The following ABCB4 variants were observed in gnomAD, a reference collection of about 807,000 sequenced individuals.
ABCB4 encodes the protein phosphatidylcholine translocator ABCB4.
ABCB4 carries 76 observed loss-of-function variants against 145.7 expected under a neutral mutation model. That is an observed-to-expected ratio of 0.52 (90% CI 0.43 to 0.63). The LOEUF is 0.63. ABCB4 is among the 30% of genes least tolerant of loss of function. The pLI, the probability that ABCB4 is intolerant of heterozygous loss-of-function variation, is 0.00. For synonymous variants in ABCB4, 517 were observed against 566.8 expected (o/e 0.91, Z 1.25); for missense variants, 1,234 against 1,553.1 (o/e 0.79, Z 3.45).
downstream of ABCB4, among the ~76,000 whole-genome samples, chr7:87,397,441 T>C (rs1228023946): frequency 3.3e-5 from 5 of 152,368 alleles, no homozygotes; most frequent in East Asian, 9.6e-4. Flanking sequence ...TTCATTGTTT[T>C]TGGCATTGTG....
At chr7:87,435,403 C>T (rs552864855) in intron 14 of ABCB4, among the ~76,000 whole-genome samples, 7 of 152,288 alleles carry the variant, frequency 4.6e-5, no homozygotes, top group African/African-American at 1.7e-4. Flanking sequence ...CTGGGCAGGC[C>T]CTGTAACTTG....
chr7:87,374,285 A>T, the ABCB4 span, among the ~76,000 whole-genome samples: 6 of 152,060 alleles, frequency 3.9e-5, no homozygotes, highest in Non-Finnish European at 7.4e-5. Flanking sequence ...TTGGGCAGTT[A>T]TGTGACCTTT....
intron 23 of ABCB4, among the ~76,000 whole-genome samples, chr7:87,410,490 C>T (rs1808541750): frequency 6.6e-6 from 1 of 152,106 alleles, no homozygotes; most frequent in Non-Finnish European, 1.5e-5. Context: ...CTAAAGCTGT[C>T]TTCTAGGTTT....
chr7:87,389,462 T>C, the ABCB4 span, among the ~76,000 whole-genome samples: 3 of 152,200 alleles, frequency 2.0e-5, no homozygotes, highest in East Asian at 5.8e-4. Context: ...GATGAGTTCA[T>C]GTCCTTTGCA....
At chr7:87,473,917 G>A (rs955023116) in intron 2 of ABCB4, among the ~76,000 whole-genome samples, 5 of 152,182 alleles carry the variant, frequency 3.3e-5, no homozygotes, top group Admixed American at 6.5e-5. Context: ...ATGGGCAATA[G>A]CAACATAATT....
At chr7:87,402,932 G>A (rs1807905691) in intron 27 of ABCB4, among the ~76,000 whole-genome samples, 1 of 152,190 alleles carries the variant, frequency 6.6e-6, no homozygotes, top group Admixed American at 6.5e-5. Context: ...CCTGGAGGCA[G>A]AGGTTGCAGT....
At chr7:87,382,233 C>A in the ABCB4 span, 2 of 1,497,864 alleles carry the variant, frequency 1.3e-6, no homozygotes, top group South Asian at 1.2e-5. Context: ...TTTTAACAAC[C>A]ATATGTAAAA....
At position 87,439,572 on chromosome 7, in the gene ABCB4, T is replaced by C. The variant is rs183256979; in HGVS notation, c.1731+95A>G. The stretch of plus-strand genomic sequence containing the variant: ...CTCCATGAGGTAGCTCCATTTGCTA[T>C]GTTTCTGTTTCTCAGCCCAGACTCC... On this transcript the variant is annotated intron_variant, in intron 14 of 27. Coordinates refer to ENST00000649586, the MANE Select transcript of ABCB4 (RefSeq NM_000443.4). 1.0e-4 allele frequency: 140 copies of C among 1,393,816 alleles called. No homozygotes were observed. The East Asian group carries it at 3.1e-3, about 31-fold the overall frequency. The allele number at this position is 1,393,816 out of a possible 1,614,324, so 86.3% of individuals were successfully genotyped here. A position where few individuals can be genotyped will look rare whatever the true frequency, so the allele number is the denominator to read the frequency against.
chr7:87,437,196 T>C (rs1272292800), intron 14 of ABCB4, among the ~76,000 whole-genome samples: 1 of 152,210 alleles, frequency 6.6e-6, no homozygotes, highest in African/African-American at 2.4e-5. Context: ...AGATGAGTTC[T>C]GGAGTCTAAT....
At chr7:87,459,846 T>C (rs561680611) in intron 4 of ABCB4, among the ~76,000 whole-genome samples, 2 of 152,282 alleles carry the variant, frequency 1.3e-5, no homozygotes, top group Admixed American at 1.3e-4. Context: ...CATGAACAGA[T>C]AAAGTTGGGT....
At chr7:87,453,525 TG>T (rs1811901437) in intron 5 of ABCB4, among the ~76,000 whole-genome samples, 1 of 151,080 alleles carries the variant, frequency 6.6e-6, no homozygotes, top group Non-Finnish European at 1.5e-5. Flanking sequence ...TTTTCAGAAC[TG>T]GAAATTAATC....
At chr7:87,449,630 G>T (rs900674957) in intron 8 of ABCB4, among the ~76,000 whole-genome samples, 2 of 151,834 alleles carry the variant, frequency 1.3e-5, no homozygotes, top group African/African-American at 4.8e-5. Flanking sequence ...TAGAGCCAGG[G>T]TCTTACTACA....
intron 3 of ABCB4, among the ~76,000 whole-genome samples, chr7:87,463,736 A>G (rs1422266543): frequency 6.6e-6 from 1 of 152,212 alleles, no homozygotes; most frequent in Non-Finnish European, 1.5e-5. Flanking sequence ...CTGGTGGGCC[A>G]CACCAAGAAT....
chr7:87,398,629 C>T, downstream of ABCB4: 1 of 1,613,204 alleles, frequency 6.2e-7, no homozygotes, highest in Non-Finnish European at 8.5e-7. Context: ...AGCTGATGAA[C>T]TCTACTCATC....
chr7:87,462,002 C>T (rs1812489030), intron 4 of ABCB4, among the ~76,000 whole-genome samples: 1 of 152,186 alleles, frequency 6.6e-6, no homozygotes, highest in African/African-American at 2.4e-5. Flanking sequence ...CAGTCTTCTC[C>T]AGCCCAGTGC....
chr7:87,457,192 G>A (rs1295421340), intron 4 of ABCB4, among the ~76,000 whole-genome samples: 6 of 152,144 alleles, frequency 3.9e-5, no homozygotes, highest in African/African-American at 1.2e-4. Context: ...GCTGAGGCGG[G>A]AGGATCACTT....
At chr7:87,431,796 C>A (rs181784592) in intron 14 of ABCB4, among the ~76,000 whole-genome samples, 38 of 152,316 alleles carry the variant, frequency 2.5e-4, no homozygotes, top group African/African-American at 8.2e-4. Flanking sequence ...TGGGTGATTT[C>A]TCCAGAAACC....
the ABCB4 span, among the ~76,000 whole-genome samples, chr7:87,372,452 T>C: frequency 6.6e-6 from 1 of 152,354 alleles, no homozygotes; most frequent in East Asian, 1.9e-4. Flanking sequence ...GCTTATTAAT[T>C]GGATTATTCA....
the ABCB4 span, among the ~76,000 whole-genome samples, chr7:87,381,605 T>C: frequency 6.6e-6 from 1 of 152,220 alleles, no homozygotes; most frequent in Admixed American, 6.5e-5. Flanking sequence ...TGACTTCTAG[T>C]AAAAATAGCA....
Sources: gnomAD v4.1 joint callset for allele counts (sites outside exome capture counted in the v4.1 genomes callset) on GRCh38, gnomAD v4.1.1 for gene constraint, MANE v1.5 for transcripts, NCBI Gene and HGNC (gene_info 2026-07-23, HGNC 2026-07-21) for gene names.